The following RPS6KC1 variants were observed in gnomAD, a reference collection of about 807,000 sequenced individuals.
The protein encoded by RPS6KC1 is ribosomal protein S6 kinase C1.
In RPS6KC1, 54 loss-of-function variants were observed where a neutral mutation model predicts 103.8. That is an observed-to-expected ratio of 0.52 (90% confidence interval 0.42 to 0.65). The LOEUF (loss-of-function observed/expected upper bound fraction) is 0.65. RPS6KC1 is among the 30% of genes least tolerant of loss of function. The pLI is 0.00. For missense variants in RPS6KC1, 1,151 were observed against 1,253.8 expected (o/e 0.92, Z 1.24); for synonymous variants, 439 against 438.7 (o/e 1.00, Z -0.01).
At chr1:213,544,555 C>T in the RPS6KC1 span, among the ~76,000 whole-genome samples, 4 of 152,168 alleles carry the variant, frequency 2.6e-5, no homozygotes, top group Non-Finnish European at 5.9e-5. Flanking sequence ...TGTGTGTTCC[C>T]TCTTGGCACC....
At chr1:213,102,128 T>C (rs1033382289) in intron 3 of RPS6KC1, among the ~76,000 whole-genome samples, 5 of 152,140 alleles carry the variant, frequency 3.3e-5, no homozygotes, top group Admixed American at 6.5e-5. Context: ...ATGGATTATG[T>C]TGGGTTTGGT....
At chr1:213,840,426 T>C in the RPS6KC1 span, 1 of 152,170 alleles carries the variant, frequency 6.6e-6, no homozygotes, top group Non-Finnish European at 1.5e-5. Context: ...TATATTTTTA[T>C]ATGCATATAT....
At chr1:213,268,534 T>A (rs956877999) in intron 14 of RPS6KC1, among the ~76,000 whole-genome samples, 2 of 148,316 alleles carry the variant, frequency 1.3e-5, no homozygotes, top group East Asian at 1.9e-4. Flanking sequence ...GACAAAAAAA[T>A]ATATATTTTA....
the RPS6KC1 span, among the ~76,000 whole-genome samples, chr1:213,730,241 C>T: frequency 6.6e-6 from 1 of 152,134 alleles, no homozygotes; most frequent in Non-Finnish European, 1.5e-5. Context: ...CCTACATGTG[C>T]ATGTGTCTTT....
the RPS6KC1 span, among the ~76,000 whole-genome samples, chr1:213,479,228 T>G: frequency 1.3e-5 from 2 of 152,106 alleles, no homozygotes; most frequent in South Asian, 2.1e-4. Flanking sequence ...TGAGAGGGAT[T>G]CTGTAGTATA....
the RPS6KC1 span, chr1:213,841,269 T>G: frequency 6.6e-6 from 1 of 152,206 alleles, no homozygotes; most frequent in African/African-American, 2.4e-5. Flanking sequence ...TGCAACTTCT[T>G]TCCTCCAACA....
intron 8 of RPS6KC1, chr1:213,205,491 T>A: frequency 3.5e-6 from 1 of 286,278 alleles, no homozygotes; most frequent in Non-Finnish European, 5.0e-6. Context: ...AATAGTTACT[T>A]ATACCACCAG....
chr1:213,737,992 G>A, the RPS6KC1 span, among the ~76,000 whole-genome samples: 1 of 152,196 alleles, frequency 6.6e-6, no homozygotes, highest in Admixed American at 6.5e-5. Flanking sequence ...ATAGGGTAGT[G>A]AATATAATGT....
chr1:213,348,338 T>C, the RPS6KC1 span, among the ~76,000 whole-genome samples: 6 of 152,186 alleles, frequency 3.9e-5, no homozygotes, highest in African/African-American at 1.4e-4. Context: ...CCAATTCTTC[T>C]TATCTCCATG....
At chr1:213,773,547 C>A in the RPS6KC1 span, among the ~76,000 whole-genome samples, 3,838 of 147,694 alleles carry the variant, frequency 0.026, 184 homozygotes, top group African/African-American at 0.089. Flanking sequence ...ATATATATAT[C>A]TCTATATATG....
At chr1:213,860,404 A>G in the RPS6KC1 span, among the ~76,000 whole-genome samples, 1 of 135,690 alleles carries the variant, frequency 7.4e-6, no homozygotes, top group Non-Finnish European at 1.7e-5. Context: ...TGTAAGAGAA[A>G]CAAAAAAAAA....
the RPS6KC1 span, among the ~76,000 whole-genome samples, chr1:213,454,358 G>C: frequency 6.6e-6 from 1 of 152,104 alleles, no homozygotes; most frequent in Non-Finnish European, 1.5e-5. Flanking sequence ...AGGAGAAACT[G>C]GTTTTCTATT....
intron 6 of RPS6KC1, among the ~76,000 whole-genome samples, chr1:213,144,459 C>G (rs2087477899): frequency 6.6e-6 from 1 of 151,880 alleles, no homozygotes; most frequent in Non-Finnish European, 1.5e-5. Context: ...TACTATGTTG[C>G]CTAGGCTGGT....
the RPS6KC1 span, among the ~76,000 whole-genome samples, chr1:213,715,309 A>G: frequency 6.6e-6 from 1 of 152,250 alleles, no homozygotes. Flanking sequence ...AGCTCTTAAC[A>G]TAGCTAGCTG....
chr1:213,847,692 C>T, the RPS6KC1 span, among the ~76,000 whole-genome samples: 6 of 152,224 alleles, frequency 3.9e-5, no homozygotes, highest in East Asian at 7.7e-4. Flanking sequence ...CTCTTGAATC[C>T]TTTATGCATC....
At chr1:213,641,388 A>C in the RPS6KC1 span, among the ~76,000 whole-genome samples, 1 of 151,978 alleles carries the variant, frequency 6.6e-6, no homozygotes, top group Non-Finnish European at 1.5e-5. Flanking sequence ...GAATTGTATT[A>C]ATGTTGTTAA....
intron 3 of RPS6KC1, among the ~76,000 whole-genome samples, chr1:213,090,852 A>C (rs572149835): frequency 6.6e-6 from 1 of 152,252 alleles, no homozygotes; most frequent in East Asian, 1.9e-4. Context: ...GGATGTTTTT[A>C]TGAAAAATGA....
At chr1:213,513,770 CA>C in the RPS6KC1 span, among the ~76,000 whole-genome samples, 15 of 152,156 alleles carry the variant, frequency 9.9e-5, no homozygotes, top group African/African-American at 3.6e-4. Context: ...GCAACCATCA[CA>C]AGAACAAGAT....
At chr1:213,853,419 T>C in the RPS6KC1 span, among the ~76,000 whole-genome samples, 2 of 152,224 alleles carry the variant, frequency 1.3e-5, no homozygotes, top group East Asian at 3.8e-4. Flanking sequence ...CAAATGAGGA[T>C]AATAACCTTC....
Sources: gnomAD v4.1 joint callset for allele counts (sites outside exome capture counted in the v4.1 genomes callset) on GRCh38, gnomAD v4.1.1 for gene constraint, MANE v1.5 for transcripts, NCBI Gene and HGNC (gene_info 2026-07-23, HGNC 2026-07-21) for gene names.